TPRG1: variants seen among roughly 807,000 people sequenced by gnomAD.
TPRG1 encodes the protein tumor protein p63 regulated 1.
A neutral mutation model predicts 29.3 loss-of-function variants in TPRG1; 29 were observed. The observed-to-expected ratio is 0.99, with a 90% CI of 0.74 to 1.35. TPRG1 has a LOEUF of 1.35. Among genes scored for constraint, TPRG1 ranks in the 40% most tolerant of loss-of-function variants. The probability of loss-of-function intolerance (pLI) is 0.00; values close to 1 mark genes in which losing one functional copy is unlikely to be tolerated. For missense variants in TPRG1, 327 were observed against 335.0 expected (o/e 0.98, Z 0.19); for synonymous variants, 130 against 116.8 (o/e 1.11, Z -0.73).
intron 4 of TPRG1, among the ~76,000 whole-genome samples, chr3:189,043,744 T>G (rs1714784745): frequency 6.6e-6 from 1 of 152,108 alleles, no homozygotes; most frequent in Admixed American, 6.6e-5. Context: ...CATTGGCATT[T>G]CTGCTTGGGG....
intron 4 of TPRG1, among the ~76,000 whole-genome samples, chr3:189,074,024 G>T (rs1273849036): frequency 6.6e-6 from 1 of 152,074 alleles, no homozygotes; most frequent in Non-Finnish European, 1.5e-5. Flanking sequence ...TATTGGTGCT[G>T]ATGAGAAGTC....
intron 1 of TPRG1, among the ~76,000 whole-genome samples, chr3:189,101,787 T>G (rs1560446189): frequency 6.6e-6 from 1 of 150,542 alleles, no homozygotes; most frequent in Admixed American, 6.6e-5. Flanking sequence ...ATAATAAAAA[T>G]AATAATAAAT....
chr3:189,001,919 T>A (rs921934637), intron 2 of TPRG1, among the ~76,000 whole-genome samples: 1 of 152,240 alleles, frequency 6.6e-6, no homozygotes, highest in Non-Finnish European at 1.5e-5. Context: ...AAGTGTTTTT[T>A]AAATCTAAAT....
intron 4 of TPRG1, among the ~76,000 whole-genome samples, chr3:189,300,674 C>T (rs1720687248): frequency 6.6e-6 from 1 of 152,156 alleles, no homozygotes; most frequent in Non-Finnish European, 1.5e-5. Flanking sequence ...GCTCCAGATC[C>T]CTGCATCTGG....
intron 4 of TPRG1, among the ~76,000 whole-genome samples, chr3:189,094,627 G>A (rs994084062): frequency 1.2e-4 from 19 of 152,094 alleles, no homozygotes; most frequent in East Asian, 1.9e-4. Context: ...TCTGACTCAC[G>A]CAGCTGTTTG....
At chr3:189,045,441 A>G (rs1328181547) in intron 4 of TPRG1, among the ~76,000 whole-genome samples, 2 of 152,252 alleles carry the variant, frequency 1.3e-5, no homozygotes, top group African/African-American at 4.8e-5. Context: ...GGACAAATGT[A>G]AGTGGAAAAG....
At chr3:189,170,137 C>G (rs1728640015), upstream of TPRG1, among the ~76,000 whole-genome samples, 1 of 152,198 alleles carries the variant, frequency 6.6e-6, no homozygotes, top group Non-Finnish European at 1.5e-5. Flanking sequence ...TCCAGCATGT[C>G]TCCACTCCTC....
intron 1 of TPRG1, among the ~76,000 whole-genome samples, chr3:189,113,934 TAAAATAAAATA>T (rs1484812015): frequency 7.2e-5 from 11 of 151,796 alleles, no homozygotes; most frequent in African/African-American, 2.7e-4. Flanking sequence ...TAAAATAAAA[TAAAATAAAATA>T]AAATAAAGTG....
intron 4 of TPRG1, among the ~76,000 whole-genome samples, chr3:189,041,253 T>A (rs1244812922): frequency 6.6e-6 from 1 of 152,176 alleles, no homozygotes; most frequent in Non-Finnish European, 1.5e-5. Flanking sequence ...AGCTGGATTC[T>A]CATGTAGCAT....
At chr3:189,154,976 A>G (rs1726470872) in intron 5 of TPRG1, among the ~76,000 whole-genome samples, 1 of 152,218 alleles carries the variant, frequency 6.6e-6, no homozygotes, top group South Asian at 2.1e-4. Flanking sequence ...AAAGACCTGA[A>G]GGAAGTAAGG....
At chr3:189,177,418 GTCTATACATATATATGTATA>G (rs1729623628) in intron 1 of TPRG1, among the ~76,000 whole-genome samples, 2 of 151,172 alleles carry the variant, frequency 1.3e-5, no homozygotes, top group African/African-American at 4.9e-5. Context: ...GCATATATAT[GTCTATACATATATATGTATA>G]CATATATATG....
At chr3:189,232,493 G>A (rs987196266) in intron 3 of TPRG1, among the ~76,000 whole-genome samples, 7 of 152,162 alleles carry the variant, frequency 4.6e-5, no homozygotes, top group Non-Finnish European at 8.8e-5. Context: ...AGCTTCTGTG[G>A]GCTTGAGTTA....
At chr3:189,084,041 C>A (rs1000917601) in intron 4 of TPRG1, among the ~76,000 whole-genome samples, 1 of 152,010 alleles carries the variant, frequency 6.6e-6, no homozygotes, top group African/African-American at 2.4e-5. Context: ...ATTCCAGCTA[C>A]TTGGGAGGCT....
At chr3:189,226,323 G>C (rs1737713281) in intron 3 of TPRG1, among the ~76,000 whole-genome samples, 1 of 152,086 alleles carries the variant, frequency 6.6e-6, no homozygotes, top group Non-Finnish European at 1.5e-5. Flanking sequence ...ATCATACAGA[G>C]TATGTTCTCT....
At chr3:189,014,709 T>C (rs1002611532) in intron 3 of TPRG1, among the ~76,000 whole-genome samples, 7 of 152,108 alleles carry the variant, frequency 4.6e-5, no homozygotes, top group African/African-American at 1.7e-4. Context: ...CCCTTTGCTT[T>C]CTCTTTCTCC....
At chr3:189,156,260 C>G (rs146188916) in intron 5 of TPRG1, among the ~76,000 whole-genome samples, 3 of 152,132 alleles carry the variant, frequency 2.0e-5, no homozygotes, top group African/African-American at 7.2e-5. Context: ...ATGTAGTCAG[C>G]TTCTAGAAGC....
intron 4 of TPRG1, among the ~76,000 whole-genome samples, chr3:189,265,156 A>G (rs899992484): frequency 3.9e-5 from 6 of 152,216 alleles, no homozygotes; most frequent in Non-Finnish European, 1.5e-5. Flanking sequence ...TATATGAATA[A>G]GGAGGAAGGC....
At chr3:189,088,384 G>C (rs146611055) in intron 4 of TPRG1, among the ~76,000 whole-genome samples, 11 of 152,300 alleles carry the variant, frequency 7.2e-5, no homozygotes, top group African/African-American at 2.6e-4. Flanking sequence ...TTGCTTATCA[G>C]CTTAAGGAGA....
chr3:189,238,724 T>C lies in TPRG1; in HGVS notation c.303-9T>C, dbSNP rs771703423. 6.3e-7 allele frequency: 1 copy of C among 1,587,236 alleles called. No homozygotes were observed. The highest frequency in any genetic ancestry group is 1.8e-5 in the Admixed American group (1 of 57,088). ...CATCAATTTTTATTTGCTATGATGA[T>C]TCCTATAGGATAGACCACTGGAACA... is the stretch of plus-strand genomic sequence containing the variant. On this transcript the variant is annotated splice_polypyrimidine_tract_variant and intron_variant, in intron 3 of 5. Transcript: ENST00000345063.
Sources: gnomAD v4.1 joint callset for allele counts (sites outside exome capture counted in the v4.1 genomes callset) on GRCh38, gnomAD v4.1.1 for gene constraint, MANE v1.5 for transcripts, NCBI Gene and HGNC (gene_info 2026-07-23, HGNC 2026-07-21) for gene names.